AP1S3: variants seen among roughly 807,000 people sequenced by gnomAD.
AP1S3 encodes the protein adaptor related protein complex 1 subunit sigma 3.
Under a neutral mutation model 20.9 loss-of-function variants are expected in AP1S3, and 10 were observed. The observed-to-expected ratio is 0.48, with a 90% CI of 0.29 to 0.81. AP1S3 has a LOEUF of 0.81. Ranked by LOEUF, AP1S3 falls within the 30% of genes least tolerant of loss-of-function variation. The pLI, the probability that AP1S3 is intolerant of heterozygous loss-of-function variation, is 0.08. For missense variants in AP1S3, 154 were observed against 183.8 expected, an observed-to-expected ratio of 0.84 and a Z score of 0.94; for synonymous variants, 41 against 61.5, an observed-to-expected ratio of 0.67 and a Z score of 1.56.
chr2:223,775,536 T>A (rs1346432916), intron 3 of AP1S3, among the ~76,000 whole-genome samples: 2 of 152,156 alleles, frequency 1.3e-5, no homozygotes, highest in Admixed American at 1.3e-4. Flanking sequence ...TAAAGATACA[T>A]CCACCTCTTG....
chr2:223,796,509 A>G (rs143174766), intron 1 of AP1S3, among the ~76,000 whole-genome samples: 714 of 152,284 alleles, frequency 4.7e-3, no homozygotes, highest in Admixed American at 7.5e-3. Flanking sequence ...CAGAAACAGC[A>G]GGGATATACT....
rs1690277834 is a variant in AP1S3 at position 223,758,513 on chromosome 2, C to CA, written c.*201dup. On this transcript the variant is annotated 3_prime_UTR_variant, in exon 5 of 5. Transcript: ENST00000396654. ...CTACAAGTACCTATACAGTATAACA[C>CA]AGACACATAATTTTTTTTAATAATA... is the stretch of plus-strand genomic sequence containing the variant. 7.8e-7 allele frequency: 1 copy of CA among 1,288,416 alleles called. No homozygotes were observed. Among genetic ancestry groups the CA allele is most frequent in the Non-Finnish European group, 9.8e-7 (1 of 1,020,238 alleles). The allele number at this position is 1,288,416 out of a possible 1,614,324, so 79.8% of individuals were successfully genotyped here.
chr2:223,815,718 C>T (rs1351059082), intron 1 of AP1S3, among the ~76,000 whole-genome samples: 3 of 152,170 alleles, frequency 2.0e-5, no homozygotes, highest in Non-Finnish European at 2.9e-5. Context: ...AGTTTTTAAG[C>T]CCTCACTTAA....
intron 1 of AP1S3, among the ~76,000 whole-genome samples, chr2:223,802,141 T>C (rs1215355423): frequency 6.6e-6 from 1 of 152,146 alleles, no homozygotes; most frequent in Non-Finnish European, 1.5e-5. Flanking sequence ...GAGGAGCCAT[T>C]ACTTCCTTTG....
At position 223,790,691 on chromosome 2, in the gene AP1S3, CAT is replaced by C. The variant is rs376802323; in HGVS notation, c.4-12824_4-12823del. On this transcript the variant is annotated intron_variant, in intron 1 of 4. Transcript: ENST00000396654. Reference sequence around the variant, plus strand: ...TGGTATAAAATGTGATTTTTACACACATATGTTATAAAGTGATTACCACAATC... The same window carrying C: ...TGGTATAAAATGTGATTTTTACACACATGTTATAAAGTGATTACCACAATC... Among the ~76,000 whole-genome samples the C allele has an allele frequency of 3.9e-4, 59 of 152,226 alleles. 4 individuals are homozygous for C. The East Asian group carries it at 7.3e-3, about 19-fold the overall frequency.
Position 223,770,179 on chromosome 2 carries a change from T to C in AP1S3, c.292-4829A>G, listed in dbSNP as rs2106083452. On this transcript the variant is annotated intron_variant, in intron 3 of 4. Transcript: ENST00000396654. ...ACATCCATGTACATGAAAGAAGGTA[T>C]GAGAAGAAAGCAGTTACCAGAGGTC... is the stretch of plus-strand genomic sequence containing the variant. The C allele has an allele frequency of 2.6e-6, 4 of 1,549,732 alleles. No individual in the cohort carries two copies. In the South Asian group the frequency reaches 3.6e-5, roughly 14 times the overall value.
At chr2:223,818,932 T>C (rs1691921034) in intron 1 of AP1S3, among the ~76,000 whole-genome samples, 1 of 152,202 alleles carries the variant, frequency 6.6e-6, no homozygotes. Flanking sequence ...TTAATGATTA[T>C]AGATTCAAGC....
intron 1 of AP1S3, among the ~76,000 whole-genome samples, chr2:223,827,020 G>A (rs989814332): frequency 1.3e-5 from 2 of 152,084 alleles, no homozygotes; most frequent in African/African-American, 4.8e-5. Flanking sequence ...TTTGTAAGAG[G>A]CGGGCAATGG....
At chr2:223,770,167 T>C (rs1690581572) in intron 3 of AP1S3, 6 of 1,547,462 alleles carry the variant, frequency 3.9e-6, no homozygotes, top group African/African-American at 1.4e-5. Flanking sequence ...TCCATGTACA[T>C]GAAAGAAGGT....
At chr2:223,827,685 C>T (rs996573610) in intron 1 of AP1S3, among the ~76,000 whole-genome samples, 5 of 151,710 alleles carry the variant, frequency 3.3e-5, no homozygotes, top group East Asian at 1.9e-4. Context: ...TATGCCCGGC[C>T]GATTTTGTTT....
intron 1 of AP1S3, among the ~76,000 whole-genome samples, chr2:223,797,133 C>T (rs1238640913): frequency 6.6e-6 from 1 of 152,186 alleles, no homozygotes; most frequent in African/African-American, 2.4e-5. Flanking sequence ...TAGTGGGGAT[C>T]GGAAGGCAGG....
rs1192816866 is a variant in AP1S3 at position 223,756,994 on chromosome 2, T to C, written c.*1721A>G. 1.7e-5 allele frequency: 17 copies of C among 982,656 alleles called. No individual in the cohort carries two copies. The East Asian group carries it at 5.7e-4, about 33-fold the overall frequency. 60.9% of individuals were successfully genotyped at this position (982,656 alleles called of 1,614,324 possible). ...CTACAAGCTTTTACTTTTTCTTTTT[T>C]TTTTTTTTTTTCTTGAGACGCAGTC... On this transcript the variant is annotated 3_prime_UTR_variant, in exon 5 of 5. Transcript: ENST00000396654.
intron 1 of AP1S3, among the ~76,000 whole-genome samples, chr2:223,805,574 A>G (rs1217008570): frequency 6.6e-6 from 1 of 152,218 alleles, no homozygotes; most frequent in Non-Finnish European, 1.5e-5. Context: ...ATTCTGCTAA[A>G]TCATCCACCA....
rs148502137 is a variant in AP1S3, at chr2:223,807,355, C to T, written c.4-29486G>A. Among the ~76,000 whole-genome samples, 21 of 152,264 alleles carry T rather than the reference C, an allele frequency of 1.4e-4. No individual in the cohort carries two copies. The East Asian group carries it at 3.3e-3, about 24-fold the overall frequency. On this transcript the variant is annotated intron_variant, in intron 1 of 4. Transcript: ENST00000396654. The stretch of plus-strand genomic sequence containing the variant: ...GAACTGGGCTTTCTGGAATTCTGGA[C>T]AGCTAGAAATAGATATTATTCAGGG...
chr2:223,796,338 G>A (rs1691336188), intron 1 of AP1S3, among the ~76,000 whole-genome samples: 1 of 152,150 alleles, frequency 6.6e-6, no homozygotes, highest in Non-Finnish European at 1.5e-5. Context: ...ATGTTCTGAT[G>A]GGAAGAGCCT....
At chr2:223,782,073 G>A (rs917545164) in intron 1 of AP1S3, among the ~76,000 whole-genome samples, 18 of 148,692 alleles carry the variant, frequency 1.2e-4, no homozygotes, top group African/African-American at 2.5e-4. Flanking sequence ...GGGCAGTGGC[G>A]CCATCTTGGC....
At chr2:223,788,844 C>T (rs888798771) in intron 1 of AP1S3, among the ~76,000 whole-genome samples, 9 of 151,658 alleles carry the variant, frequency 5.9e-5, no homozygotes, top group African/African-American at 2.2e-4. Context: ...AAACCTAATT[C>T]AGAGCCTGAA....
intron 1 of AP1S3, among the ~76,000 whole-genome samples, chr2:223,821,719 A>T (rs776508997): frequency 6.6e-6 from 1 of 152,150 alleles, no homozygotes; most frequent in Non-Finnish European, 1.5e-5. Context: ...TCTTCCAGCC[A>T]CACCTGGATG....
chr2:223,836,901 T>G (rs1197781726), intron 1 of AP1S3, among the ~76,000 whole-genome samples: 1 of 152,074 alleles, frequency 6.6e-6, no homozygotes, highest in Non-Finnish European at 1.5e-5. Flanking sequence ...CCCCTCCGCT[T>G]TGCTCTCTCT....
Sources: allele counts gnomAD v4.1 joint callset (sites outside exome capture counted in the v4.1 genomes callset), GRCh38; gene constraint gnomAD v4.1.1; transcripts MANE v1.5; gene names NCBI Gene and HGNC (gene_info 2026-07-23, HGNC 2026-07-21).